Variants in MITD1 observed in about 807,000 individuals in gnomAD.
The protein encoded by MITD1 is microtubule interacting and trafficking domain containing 1, also known as MIT domain-containing protein 1.
MITD1 carries 24 observed loss-of-function variants against 34.9 expected under a neutral mutation model. The observed-to-expected ratio is 0.69, with a 90% confidence interval of 0.50 to 0.97. The LOEUF (loss-of-function observed/expected upper bound fraction) is 0.97. MITD1 is among the 50% of genes least tolerant of loss of function. The pLI, the probability that MITD1 is intolerant of heterozygous loss-of-function variation, is 0.00. For synonymous variants in MITD1, 102 were observed against 101.4 expected (o/e 1.01, Z -0.04); for missense variants, 266 against 294.6 (o/e 0.90, Z 0.71).
At chr2:99,179,605 C>T (rs1208695887) in intron 1 of MITD1, among the ~76,000 whole-genome samples, 3 of 152,126 alleles carry the variant, frequency 2.0e-5, no homozygotes, top group Non-Finnish European at 4.4e-5. Context: ...GTTCTATTGG[C>T]AGACTGGAGT....
intron 4 of MITD1, 38 bp downstream of exon 4, chr2:99,171,305 A>C: frequency 6.9e-7 from 1 of 1,452,320 alleles, no homozygotes; most frequent in Non-Finnish European, 9.7e-7. Context: ...TAACTGAATA[A>C]AGTTAATAAG....
At position 99,170,706 on chromosome 2, in the gene MITD1, T is replaced by C. The variant is rs568076721; in HGVS notation, c.478-54A>G. 1.4e-5 allele frequency: 12 copies of C among 852,598 alleles called. No individual in the cohort carries two copies. In the South Asian group the frequency reaches 1.7e-4, roughly 12 times the overall value. The allele number at this position is 852,598 out of a possible 1,614,324, so 52.8% of individuals were successfully genotyped here. On this transcript the variant is annotated intron_variant, in intron 4 of 6. Coordinates refer to ENST00000289359, the MANE Select transcript of MITD1 (RefSeq NM_138798.3). ...CCGCAGTTATTATTACTATCTTAAA[T>C]TATCCCTAAGCTATACAATCTATAT...
downstream of MITD1, among the ~76,000 whole-genome samples, chr2:99,165,945 CAGT>C (rs1159612296): frequency 2.0e-5 from 3 of 152,242 alleles, no homozygotes; most frequent in South Asian, 2.1e-4. Flanking sequence ...CCAGTGATAT[CAGT>C]GGTGTAGGCT....
intron 7 of MITD1, chr2:99,162,519 T>C (rs747508075): frequency 1.2e-5 from 19 of 1,614,064 alleles, no homozygotes; most frequent in Non-Finnish European, 1.5e-5. Context: ...TGATGGGACG[T>C]TCTTGTCTTC....
intron 1 of MITD1, among the ~76,000 whole-genome samples, chr2:99,178,602 T>C (rs1169146380): frequency 6.6e-6 from 1 of 152,196 alleles, no homozygotes; most frequent in Non-Finnish European, 1.5e-5. Flanking sequence ...GATGGGGTTA[T>C]AATTTTACAC....
chr2:99,180,160 T>G (rs532912578), intron 1 of MITD1, among the ~76,000 whole-genome samples: 1 of 152,330 alleles, frequency 6.6e-6, no homozygotes, highest in African/African-American at 2.4e-5. Context: ...ACCCTGCGCA[T>G]TTCTCACACC....
At chr2:99,170,848 TC>T (rs1269962677) in intron 4 of MITD1, 196 bp from the exon 5 acceptor site, 1 of 372,634 alleles carries the variant, frequency 2.7e-6, no homozygotes, top group Non-Finnish European at 4.9e-6. Context: ...CATCTTTTTT[TC>T]TAATGTGAAC....
intron 1 of MITD1, among the ~76,000 whole-genome samples, chr2:99,175,015 A>G (rs1559180953): frequency 6.6e-6 from 1 of 152,136 alleles, no homozygotes. Context: ...CGTGAGCCAC[A>G]CTGCCCAGCC....
intron 7 of MITD1, chr2:99,163,001 A>G: frequency 1.9e-6 from 3 of 1,611,322 alleles, no homozygotes; most frequent in Non-Finnish European, 1.7e-6. Context: ...CAAATATATT[A>G]CTTAGAACAT....
intron 1 of MITD1, among the ~76,000 whole-genome samples, chr2:99,174,725 G>C (rs1242547468): frequency 6.6e-6 from 1 of 152,048 alleles, no homozygotes; most frequent in African/African-American, 2.4e-5. Flanking sequence ...TGAGTAGCTG[G>C]GACTACAGGC....
chr2:99,169,124 C>T (rs1454505692), downstream of MITD1: 7 of 272,136 alleles, frequency 2.6e-5, no homozygotes, highest in Non-Finnish European at 4.8e-5. Context: ...TTGACATGCT[C>T]CCGCAGCCAA....
chr2:99,162,476 T>C, intron 7 of MITD1: 2 of 1,614,138 alleles, frequency 1.2e-6, no homozygotes, highest in Non-Finnish European at 1.7e-6. Flanking sequence ...GCCGGACTAC[T>C]GCCTATCACC....
rs769915137 is a variant in MITD1 at position 99,180,888 on chromosome 2, G to A, written c.94C>T (p.Pro32Ser). 8.1e-6 allele frequency: 13 copies of A among 1,614,218 alleles called. No homozygotes were observed. In the South Asian group the frequency reaches 1.2e-4, roughly 15 times the overall value. The change falls in exon 1 of 7, where the codon CCG becomes TCG. Residue 32 changes from proline to serine, a missense_variant. Transcript: ENST00000289359. The stretch of plus-strand genomic sequence containing the variant: ...TCTTGGTAACACACCAGAGCCTGCG[G>A]ATACCGCGACTCCGAATCTAGTTCT... ...AVELDSESRY[P>S]QALVCYQEGI...
chr2:99,173,855 A>G (rs1323783915), intron 2 of MITD1, 60 bp downstream of exon 2: 2 of 1,062,568 alleles, frequency 1.9e-6, no homozygotes, highest in East Asian at 2.4e-5. Flanking sequence ...AGCCAGAAAC[A>G]TTGGGTGAAT....
downstream of MITD1, chr2:99,161,725 T>G: frequency 2.2e-6 from 1 of 446,932 alleles, no homozygotes; most frequent in Non-Finnish European, 3.9e-6. Flanking sequence ...GACTTATTGT[T>G]TGAAAACTGT....
chr2:99,166,960 C>A (rs1381049949), downstream of MITD1, among the ~76,000 whole-genome samples: 1 of 148,260 alleles, frequency 6.7e-6, no homozygotes, highest in African/African-American at 2.5e-5. Context: ...AACATCATTA[C>A]AGAAAAATTT....
rs1352587826 is a variant in MITD1 at position 99,170,883 on chromosome 2, A to G, written c.478-231T>C. On this transcript the variant is annotated intron_variant, in intron 4 of 6. Transcript: ENST00000289359. ...ACATAACTCCATCCTGTCTCCTTAA[A>G]TGTAGTTTAGAATAGTTTTAATCAT... 3.1e-5 allele frequency: 10 copies of G among 320,142 alleles called. 1 individual carries two copies. The highest frequency in any genetic ancestry group is 5.2e-5 in the Non-Finnish European group (9 of 172,832). The allele number at this position is 320,142 out of a possible 1,614,324, so 19.8% of individuals were successfully genotyped here.
intron 1 of MITD1, among the ~76,000 whole-genome samples, chr2:99,178,687 G>T (rs2093899861): frequency 6.6e-6 from 1 of 152,092 alleles, no homozygotes; most frequent in Admixed American, 6.6e-5. Flanking sequence ...AGTGTGCCAT[G>T]CAAATAAATA....
chr2:99,170,708 A>G (rs867760440), intron 4 of MITD1, 56 bp from the exon 5 acceptor site: 21 of 817,584 alleles, frequency 2.6e-5, no homozygotes, highest in Middle Eastern at 2.3e-4. Context: ...ATCTTAAATT[A>G]TCCCTAAGCT....
Sources: allele counts gnomAD v4.1 joint callset (sites outside exome capture counted in the v4.1 genomes callset), GRCh38; gene constraint gnomAD v4.1.1; transcripts MANE v1.5; gene names NCBI Gene and HGNC (gene_info 2026-07-23, HGNC 2026-07-21).